The following UNC5D variants were observed in gnomAD, a reference collection of about 807,000 sequenced individuals.
The protein encoded by UNC5D is unc-5 netrin receptor D, also known as netrin receptor UNC5D.
In UNC5D, 39 loss-of-function variants were observed where a neutral mutation model predicts 105.4. That is an observed-to-expected ratio of 0.37 (90% confidence interval 0.29 to 0.48). UNC5D has a LOEUF of 0.48. Ranked by LOEUF, UNC5D falls within the 20% of genes least tolerant of loss-of-function variation. UNC5D has a pLI of 0.98. For missense variants in UNC5D, 991 were observed against 1,202.4 expected (o/e 0.82, Z 2.60); for synonymous variants, 452 against 450.4 (o/e 1.00, Z -0.04).
intron 1 of UNC5D, among the ~76,000 whole-genome samples, chr8:35,533,001 C>G (rs1423833983): frequency 6.9e-6 from 1 of 145,392 alleles, no homozygotes; most frequent in East Asian, 2.0e-4. Context: ...AATGTCCTCC[C>G]GTAGCTCAGA....
intron 3 of UNC5D, among the ~76,000 whole-genome samples, chr8:35,578,468 T>A (rs1172166694): frequency 6.6e-6 from 1 of 152,164 alleles, no homozygotes; most frequent in Admixed American, 6.5e-5. Context: ...CAGATAGACA[T>A]GGCACATGTT....
At chr8:35,414,087 AG>A (rs771548728) in intron 1 of UNC5D, among the ~76,000 whole-genome samples, 1 of 152,116 alleles carries the variant, frequency 6.6e-6, no homozygotes, top group Non-Finnish European at 1.5e-5. Flanking sequence ...AGTGCTGCTA[AG>A]GTTGATAACC....
intron 1 of UNC5D, among the ~76,000 whole-genome samples, chr8:35,536,550 C>A (rs1814855885): frequency 6.6e-6 from 1 of 152,106 alleles, no homozygotes; most frequent in South Asian, 2.1e-4. Flanking sequence ...TATGTTCTTC[C>A]CTGCACAAGA....
chr8:35,450,569 G>A (rs1000856522), intron 1 of UNC5D, among the ~76,000 whole-genome samples: 55 of 152,082 alleles, frequency 3.6e-4, no homozygotes, highest in African/African-American at 1.3e-3. Context: ...GTATTCTTCA[G>A]AGAAAGCTAT....
intron 1 of UNC5D, among the ~76,000 whole-genome samples, chr8:35,263,998 A>G (rs1391697590): frequency 6.6e-6 from 1 of 152,228 alleles, no homozygotes; most frequent in African/African-American, 2.4e-5. Context: ...TATTTAATAC[A>G]TTTCTTAGAA....
intron 1 of UNC5D, among the ~76,000 whole-genome samples, chr8:35,370,853 A>G (rs1020204288): frequency 6.6e-6 from 1 of 152,210 alleles, no homozygotes; most frequent in Non-Finnish European, 1.5e-5. Context: ...GAAGACACCC[A>G]TGGATAATTT....
At chr8:35,576,577 A>ATTGAATATGACTATTCAATGAGATAT (rs1818101661) in intron 3 of UNC5D, among the ~76,000 whole-genome samples, 1 of 152,136 alleles carries the variant, frequency 6.6e-6, no homozygotes, top group East Asian at 1.9e-4. Flanking sequence ...TTCAATAAGT[A>ATTGAATATGACTATTCAATGAGATAT]GGTGAGATAT....
rs143448919 is a variant in UNC5D, at chr8:35,479,166, T to C, written c.104-70126T>C. Among the ~76,000 whole-genome samples the C allele has an allele frequency of 2.0e-3, 298 of 152,282 alleles. 2 individuals carry two copies. The highest frequency in any genetic ancestry group is 6.8e-3 in the African/African-American group (281 of 41,574). ...GTGGTGTGGAAACACATAGAACAAG[T>C]GAGCCTACTATGTCTCAAGCCTGAG... On this transcript the variant is annotated intron_variant, in intron 1 of 16. Coordinates refer to ENST00000404895, the MANE Select transcript of UNC5D (RefSeq NM_080872.4).
chr8:35,604,426 T>A (rs1820127005), intron 4 of UNC5D, among the ~76,000 whole-genome samples: 1 of 152,236 alleles, frequency 6.6e-6, no homozygotes, highest in African/African-American at 2.4e-5. Flanking sequence ...GTTAGTCTGA[T>A]GGGCTTCCCT....
intron 3 of UNC5D, among the ~76,000 whole-genome samples, chr8:35,585,696 A>T (rs2130859937): frequency 6.6e-6 from 1 of 152,076 alleles, no homozygotes; most frequent in South Asian, 2.1e-4. Flanking sequence ...ACTTTGAAGG[A>T]TATGATCTTT....
intron 1 of UNC5D, among the ~76,000 whole-genome samples, chr8:35,345,287 C>A (rs1811727246): frequency 6.6e-6 from 1 of 151,790 alleles, no homozygotes; most frequent in South Asian, 2.1e-4. Flanking sequence ...TTTCCATGAC[C>A]CCTTTTGCTT....
At chr8:35,379,233 C>T (rs1187869848) in intron 1 of UNC5D, among the ~76,000 whole-genome samples, 1 of 152,150 alleles carries the variant, frequency 6.6e-6, no homozygotes, top group African/African-American at 2.4e-5. Context: ...CACAGCTACC[C>T]AGTGAGGACC....
intron 1 of UNC5D, among the ~76,000 whole-genome samples, chr8:35,484,011 G>A (rs1810666034): frequency 6.6e-6 from 1 of 152,114 alleles, no homozygotes; most frequent in Non-Finnish European, 1.5e-5. Context: ...AGATCAATTG[G>A]CTGCCTCTAG....
chr8:35,593,046 T>TAC (rs200962371), intron 3 of UNC5D, among the ~76,000 whole-genome samples: 16,714 of 141,062 alleles, frequency 0.12, 942 homozygotes, highest in African/African-American at 0.15. Context: ...GTAGTTTTTA[T>TAC]ACACACACAC....
chr8:35,724,141 G>T, intron 9 of UNC5D: 2 of 1,437,058 alleles, frequency 1.4e-6, no homozygotes, highest in Non-Finnish European at 1.8e-6. Context: ...CCTGTCTGGG[G>T]AGTGCTGACT....
At chr8:35,591,000 T>C (rs1819133397) in intron 3 of UNC5D, among the ~76,000 whole-genome samples, 1 of 152,240 alleles carries the variant, frequency 6.6e-6, no homozygotes, top group Non-Finnish European at 1.5e-5. Context: ...TTATAAAAAG[T>C]ATTTAAGTTT....
chr8:35,409,593 TTTTGC>T (rs145409473), intron 1 of UNC5D, among the ~76,000 whole-genome samples: 7,486 of 152,126 alleles, frequency 0.049, 209 homozygotes, highest in African/African-American at 0.073. Context: ...AAATTGGGAC[TTTTGC>T]TTTCTTTTTG....
intron 11 of UNC5D, among the ~76,000 whole-genome samples, chr8:35,741,457 G>T (rs1829756892): frequency 6.6e-6 from 1 of 152,084 alleles, no homozygotes; most frequent in Non-Finnish European, 1.5e-5. Flanking sequence ...CTTGTTGCTT[G>T]TAATAATCCA....
intron 3 of UNC5D, among the ~76,000 whole-genome samples, chr8:35,594,005 G>C (rs1273870819): frequency 6.6e-6 from 1 of 152,130 alleles, no homozygotes; most frequent in Non-Finnish European, 1.5e-5. Context: ...TTGTTATCAG[G>C]TATGTGACCT....
Sources: gnomAD v4.1 joint callset for allele counts (sites outside exome capture counted in the v4.1 genomes callset) on GRCh38, gnomAD v4.1.1 for gene constraint, MANE v1.5 for transcripts, NCBI Gene and HGNC (gene_info 2026-07-23, HGNC 2026-07-21) for gene names.